Variants in DPY19L2 observed in about 807,000 individuals in gnomAD.
The protein encoded by DPY19L2 is probable C-mannosyltransferase DPY19L2.
DPY19L2 carries 34 observed loss-of-function variants against 97.9 expected under a neutral mutation model. That is an observed-to-expected ratio of 0.35 (90% CI 0.26 to 0.46). The LOEUF (loss-of-function observed/expected upper bound fraction) is 0.46, where lower values mean the gene tolerates loss of function less well. Among genes scored for constraint, DPY19L2 ranks in the 20% least tolerant of loss-of-function variants. DPY19L2 has a pLI of 1.00. For synonymous variants in DPY19L2, 230 were observed against 307.9 expected (o/e 0.75, Z 2.65); for missense variants, 623 against 911.4 (o/e 0.68, Z 4.07).
chr12:63,600,611 CTTTTT>C (rs71434019), intron 12 of DPY19L2, among the ~76,000 whole-genome samples: 14 of 110,592 alleles, frequency 1.3e-4, no homozygotes, highest in African/African-American at 3.2e-4. Flanking sequence ...TATCCTAAAT[CTTTTT>C]TTTTTTTTTT....
At chr12:63,614,735 A>C (rs920662388) in intron 11 of DPY19L2, among the ~76,000 whole-genome samples, 2 of 152,140 alleles carry the variant, frequency 1.3e-5, no homozygotes, top group Non-Finnish European at 2.9e-5. Context: ...AATACCCATC[A>C]GAACTTGTGA....
At chr12:63,661,151 T>C in intron 4 of DPY19L2, 193 bp downstream of exon 4, 1 of 428,394 alleles carries the variant, frequency 2.3e-6, no homozygotes, top group Non-Finnish European at 3.9e-6. Context: ...ATTCTTCGAG[T>C]TCATGAGAGA....
Position 63,662,428 on chromosome 12 carries a change from T to G in DPY19L2, c.451-947A>C, listed in dbSNP as rs535308638. 3.9e-5 allele frequency among the ~76,000 whole-genome samples: 6 copies of G among 152,056 alleles called. No individual in the cohort carries two copies. The South Asian group carries it at 6.2e-4, about 16-fold the overall frequency. ...GAATTTTCCTTTCTGCTTAGGAGGA[T>G]AACAAAGCAATACAACAATTAAAAG... On this transcript the variant is annotated intron_variant, in intron 3 of 21. Transcript: ENST00000324472.
intron 13 of DPY19L2, among the ~76,000 whole-genome samples, chr12:63,599,178 CA>C (rs34866870): frequency 0.43 from 54,188 of 125,422 alleles, 11,398 homozygotes; most frequent in African/African-American, 0.63. Context: ...TTTCAAAAAA[CA>C]AAAAAAAAAA....
chr12:63,648,953 T>G (rs949730911), intron 4 of DPY19L2, among the ~76,000 whole-genome samples: 5 of 151,896 alleles, frequency 3.3e-5, no homozygotes, highest in Admixed American at 6.6e-5. Context: ...TTAAAACAAA[T>G]GGAAAATTTG....
intron 11 of DPY19L2, among the ~76,000 whole-genome samples, chr12:63,612,383 T>C (rs1430010963): frequency 6.6e-6 from 1 of 151,956 alleles, no homozygotes; most frequent in Non-Finnish European, 1.5e-5. Flanking sequence ...CAAAGGTAAT[T>C]TACTGTTTAA....
Position 63,617,410 on chromosome 12 carries a change from T to C in DPY19L2, c.1132-20A>G, listed in dbSNP as rs1888030244. On this transcript the variant is annotated intron_variant, in intron 10 of 21. Transcript: ENST00000324472. ...TGAAATCTGAAAAAAATGAAAAAAA[T>C]ACATTTTATGGTTATTACATATATT... 2 of 1,506,006 alleles carry C rather than the reference T, an allele frequency of 1.3e-6. No homozygotes were observed. The highest frequency in any genetic ancestry group is 2.3e-5 in the South Asian group (2 of 85,916). 93.3% of individuals were successfully genotyped at this position (1,506,006 alleles called of 1,614,324 possible). A position where few individuals can be genotyped will look rare whatever the true frequency, so the allele number is the denominator to read the frequency against.
intron 14 of DPY19L2, among the ~76,000 whole-genome samples, chr12:63,597,263 C>T (rs1296880056): frequency 6.6e-6 from 1 of 151,956 alleles, no homozygotes; most frequent in Non-Finnish European, 1.5e-5. Flanking sequence ...GGATGAACCA[C>T]CACGCCCAGC....
At chr12:63,654,937 C>G (rs1282443415) in intron 4 of DPY19L2, among the ~76,000 whole-genome samples, 1 of 152,078 alleles carries the variant, frequency 6.6e-6, no homozygotes, top group Non-Finnish European at 1.5e-5. Context: ...GTATTTTCAA[C>G]TAATTCTTTT....
intron 9 of DPY19L2, among the ~76,000 whole-genome samples, chr12:63,619,274 C>T (rs1403016874): frequency 6.6e-6 from 1 of 151,994 alleles, no homozygotes. Context: ...CACCTCATCG[C>T]TACAAAAAAT....
intron 3 of DPY19L2, 57 bp downstream of exon 3, chr12:63,663,701 C>G: frequency 7.0e-7 from 1 of 1,432,234 alleles, no homozygotes; most frequent in South Asian, 1.2e-5. Context: ...ACATTTCTAC[C>G]TCATAGTCTC....
chr12:63,566,547 A>G (rs1344250234), intron 21 of DPY19L2, among the ~76,000 whole-genome samples: 2 of 151,908 alleles, frequency 1.3e-5, no homozygotes, highest in East Asian at 3.9e-4. Flanking sequence ...ATCATACAGT[A>G]TGTAACCTTT....
At chr12:63,591,258 T>C in intron 16 of DPY19L2, 2 of 278,438 alleles carry the variant, frequency 7.2e-6, no homozygotes, top group South Asian at 3.5e-5. Context: ...GCATGGAGTA[T>C]GGAGTTCATA....
intron 4 of DPY19L2, 82 bp from the exon 5 acceptor site, chr12:63,647,447 A>G (rs1893574065): frequency 1.9e-6 from 1 of 527,894 alleles, no homozygotes. Flanking sequence ...TATACCATGG[A>G]ATACTATGCA....
At chr12:63,638,685 T>C (rs1892168790) in intron 6 of DPY19L2, among the ~76,000 whole-genome samples, 1 of 152,074 alleles carries the variant, frequency 6.6e-6, no homozygotes, top group Non-Finnish European at 1.5e-5. Flanking sequence ...CACAAACCAC[T>C]GCTCAACGAA....
At chr12:63,598,079 G>A (rs759750297) in intron 13 of DPY19L2, among the ~76,000 whole-genome samples, 169 bp from the exon 14 acceptor site, 16 of 151,852 alleles carry the variant, frequency 1.1e-4, no homozygotes, top group Non-Finnish European at 1.6e-4. Flanking sequence ...AATATACCAT[G>A]TGCTGACTTC....
At chr12:63,624,674 A>G (rs1438813059) in intron 7 of DPY19L2, among the ~76,000 whole-genome samples, 1 of 152,198 alleles carries the variant, frequency 6.6e-6, no homozygotes, top group Admixed American at 6.5e-5. Context: ...AAAAACAACT[A>G]GAAGTATTTG....
At chr12:63,574,128 A>G (rs945149484) in intron 19 of DPY19L2, among the ~76,000 whole-genome samples, 6 of 152,100 alleles carry the variant, frequency 3.9e-5, no homozygotes, top group Admixed American at 3.3e-4. Context: ...TTCAAGAGAC[A>G]GTACAATAAG....
intron 2 of DPY19L2, among the ~76,000 whole-genome samples, chr12:63,664,836 G>T (rs1896134688): frequency 6.6e-6 from 1 of 151,978 alleles, no homozygotes; most frequent in South Asian, 2.1e-4. Flanking sequence ...CATATGCCAG[G>T]GTACCAAAAA....
Sources: allele counts gnomAD v4.1 joint callset (sites outside exome capture counted in the v4.1 genomes callset), GRCh38; gene constraint gnomAD v4.1.1; transcripts MANE v1.5; gene names NCBI Gene and HGNC (gene_info 2026-07-23, HGNC 2026-07-21).